The following TMC6 variants were observed in gnomAD, a reference collection of about 807,000 sequenced individuals.
The protein encoded by TMC6 is transmembrane channel like 6.
Under a neutral mutation model 95.4 loss-of-function variants are expected in TMC6, and 71 were observed. The observed-to-expected ratio is 0.74, with a 90% CI of 0.61 to 0.91. The LOEUF is 0.91. Ranked by LOEUF, TMC6 falls within the 40% of genes least tolerant of loss-of-function variation. The pLI is 0.00. For synonymous variants in TMC6, 514 were observed against 483.1 expected, an observed-to-expected ratio of 1.06 and a Z score of -0.84; for missense variants, 1,074 against 1,079.1, an observed-to-expected ratio of 1.00 and a Z score of 0.07.
At position 78,124,746 on chromosome 17, in the gene TMC6, G is replaced by A; in HGVS notation, c.669C>T (p.Ala223=). The A allele has an allele frequency of 8.2e-6, 13 of 1,586,254 alleles. No homozygotes were observed. Among genetic ancestry groups the A allele is most frequent in the Non-Finnish European group, 1.1e-5 (13 of 1,166,884 alleles). ...LHSLGLALLS[A]LQALMPWRYA... ...AGCGCCACGGCATCAGGGCCTGCAG[G>A]GCGGAGAGCAGCGCCAGGCCCAGGC... is the stretch of plus-strand genomic sequence containing the variant. The change falls in exon 8 of 20, where the codon GCC becomes GCT. Residue 223 remains alanine (A), a synonymous_variant. Coordinates refer to ENST00000590602, the MANE Select transcript of TMC6 (RefSeq NM_001127198.5).
rs1445091208 is a variant in TMC6, at chr17:78,107,638, T to A, written c.*5510A>T. ...TGTTTTGCTTTATTCTATCATTTGC[T>A]TTGTGGTTTTGCTGTAAATATTGAA... On this transcript the variant is annotated 3_prime_UTR_variant, in exon 20 of 20. Transcript: ENST00000590602. The A allele has an allele frequency of 1.3e-5, 2 of 152,262 alleles. No homozygotes were observed. Among genetic ancestry groups the A allele is most frequent in the Non-Finnish European group, 2.9e-5 (2 of 68,054 alleles). 9.4% of individuals were successfully genotyped at this position (152,262 alleles called of 1,614,324 possible).
At chr17:78,117,004 CG>C (rs1205276413) in intron 18 of TMC6, among the ~76,000 whole-genome samples, 2 of 152,236 alleles carry the variant, frequency 1.3e-5, no homozygotes, top group East Asian at 3.8e-4. Flanking sequence ...GGGCCACACC[CG>C]GGGGCTGAAA....
Position 78,126,085 on chromosome 17 carries a change from G to A in TMC6, c.271+192C>T, listed in dbSNP as rs553720031. On this transcript the variant is annotated intron_variant, in intron 4 of 19. Transcript: ENST00000590602. ...TCTGGAGTCATTTTTGGAGCCCAGC[G>A]AGGGCCACATGGGGCTGTGCTGGGC... 24 of 1,109,062 alleles carry A rather than the reference G, an allele frequency of 2.2e-5. 1 individual carries two copies. Among genetic ancestry groups the A allele is most frequent in the East Asian group, 1.0e-4 (4 of 38,608 alleles). 68.7% of individuals were successfully genotyped at this position (1,109,062 alleles called of 1,614,324 possible).
At chr17:78,132,008 G>A (rs1256537732), upstream of TMC6, 2 of 1,532,550 alleles carry the variant, frequency 1.3e-6, no homozygotes, top group Non-Finnish European at 1.7e-6. Context: ...GGCTCTGGGA[G>A]GGGGCGCTCT....
At position 78,108,314 on chromosome 17, in the gene TMC6, G is replaced by A. The variant is rs2144736564; in HGVS notation, c.*4834C>T. The A allele has an allele frequency of 6.5e-6, 1 of 154,676 alleles. No individual in the cohort carries two copies. Among genetic ancestry groups the A allele is most frequent in the African/African-American group, 2.4e-5 (1 of 41,636 alleles). The allele number at this position is 154,676 out of a possible 1,614,324, so 9.6% of individuals were successfully genotyped here. A position where few individuals can be genotyped will look rare whatever the true frequency, so the allele number is the denominator to read the frequency against. ...CTCTGACCATACTCTTTTGGAAATT[G>A]AGAAGGAAAGCATTGAGTGGGACCT... On this transcript the variant is annotated 3_prime_UTR_variant, in exon 20 of 20. Transcript: ENST00000590602.
At chr17:78,132,265 AC>A, upstream of TMC6, 3 of 1,490,164 alleles carry the variant, frequency 2.0e-6, no homozygotes, top group South Asian at 1.2e-5. Context: ...CCTGGCGGGC[AC>A]CCCACGCCGT....
chr17:78,111,056 C>G lies in TMC6; in HGVS notation c.*2092G>C, dbSNP rs933088235. The G allele has an allele frequency of 6.6e-6, 1 of 152,186 alleles. No homozygotes were observed. The highest frequency in any genetic ancestry group is 2.4e-5 in the African/African-American group (1 of 41,442). 9.4% of individuals were successfully genotyped at this position (152,186 alleles called of 1,614,324 possible). On this transcript the variant is annotated 3_prime_UTR_variant, in exon 20 of 20. Coordinates refer to ENST00000590602, the MANE Select transcript of TMC6 (RefSeq NM_001127198.5). ...GCAGAATTCCCTCTCTGGGACACCT[C>G]GGGTTTTGCTCTTAAAGCTTTCAGC...
At position 78,119,871 on chromosome 17, in the gene TMC6, C is replaced by T. The variant is rs958853126; in HGVS notation, c.1716-479G>A. ...CTCTGTTGCCGAGGCTGGTCTCAAACTCCTGGGCTTAAGTGATCCTCCCAC... is the reference window on the plus strand; with the variant it reads ...CTCTGTTGCCGAGGCTGGTCTCAAATTCCTGGGCTTAAGTGATCCTCCCAC... On this transcript the variant is annotated intron_variant, in intron 13 of 19. Transcript: ENST00000590602. The T allele has an allele frequency of 3.8e-4, 129 of 338,510 alleles. 1 individual carries two copies. Among genetic ancestry groups the T allele is most frequent in the African/African-American group, 2.6e-3 (121 of 45,784 alleles). The allele number at this position is 338,510 out of a possible 1,614,324, so 21.0% of individuals were successfully genotyped here. A position where few individuals can be genotyped will look rare whatever the true frequency, so the allele number is the denominator to read the frequency against.
intron 3 of TMC6, 77 bp from the exon 4 acceptor site, chr17:78,126,443 G>A: frequency 2.5e-6 from 4 of 1,607,656 alleles, no homozygotes; most frequent in Non-Finnish European, 3.4e-6. Flanking sequence ...TCCCAGGCCT[G>A]CAGAGCTGGG....
In TMC6 at chr17:78,125,013, T is replaced by G. The variant is rs777039067; in HGVS notation, c.537-28A>C. 7.0e-6 allele frequency: 11 copies of G among 1,562,062 alleles called. No homozygotes were observed. In the Admixed American group the frequency reaches 2.1e-4, roughly 29 times the overall value. On this transcript the variant is annotated intron_variant, in intron 6 of 19. Transcript: ENST00000590602. The stretch of plus-strand genomic sequence containing the variant: ...GGGGACAGAGGCAGCCATAGGTGCC[T>G]GGACCAATGAGGGGCCTGACTCTCT...
chr17:78,125,802 C>T lies in TMC6; in HGVS notation c.354G>A (p.Gly118=), dbSNP rs1327300843. Residue 118 remains glycine (G), a synonymous_variant, in exon 5 of 20, where the codon GGG becomes GGA. Transcript: ENST00000590602. The stretch of plus-strand genomic sequence containing the variant: ...TGGGCCAGGCGGAGCGGACAAAGTT[C>T]CCGAGCAGGGGCCGGCTGCTCCTGC... ...LRCRSSRPLL[G]NFVRSAWPSL... is the part of the protein sequence containing the mutation. 27 of 1,559,632 alleles carry T rather than the reference C, an allele frequency of 1.7e-5. No individual in the cohort carries two copies. Among genetic ancestry groups the T allele is most frequent in the Non-Finnish European group, 2.3e-5 (27 of 1,152,080 alleles).
intron 18 of TMC6, 23 bp from the exon 19 acceptor site, chr17:78,113,647 G>C: frequency 1.2e-6 from 2 of 1,612,146 alleles, no homozygotes; most frequent in Non-Finnish European, 1.7e-6. Flanking sequence ...GAACACAAAG[G>C]GGAGGAGAAA....
Position 78,113,572 on chromosome 17 carries a change from C to T in TMC6, c.2330G>A (p.Arg777Lys), listed in dbSNP as rs1281284677. ...LINKLHSIYE[R>K]KEREERSRVG... ...CCTGCTCCTCTCCTCCCTCTCCTTC[C>T]TCTCGTAGATGGAGTGAAGCTTGTT... is the stretch of plus-strand genomic sequence containing the variant. Residue 777 changes from arginine (R) to lysine (K), a missense_variant, in exon 19 of 20, where the codon AGG (arginine) becomes AAG (lysine). Physicochemically the swap from Arg to Lys is conservative, Grantham distance 26. Transcript: ENST00000590602. 6.2e-7 allele frequency: 1 copy of T among 1,614,030 alleles called. No homozygotes were observed. The highest frequency in any genetic ancestry group is 1.7e-5 in the Admixed American group (1 of 60,016).
intron 14 of TMC6, 59 bp from the exon 15 acceptor site, chr17:78,119,105 G>A: frequency 1.3e-6 from 2 of 1,536,304 alleles, no homozygotes; most frequent in Non-Finnish European, 1.8e-6. Context: ...CCGAGATCAG[G>A]CTGGTTCCAG....
At chr17:78,118,663 C>T (rs2074255634) in intron 15 of TMC6, among the ~76,000 whole-genome samples, 3 of 152,226 alleles carry the variant, frequency 2.0e-5, no homozygotes, top group African/African-American at 7.2e-5. Flanking sequence ...CATCACTTTT[C>T]CAGGGACCCA....
Position 78,117,606 on chromosome 17 carries a change from A to T in TMC6, c.2060T>A (p.Leu687Gln). ...CCTGCCGGCCTCGTACATGGTGTCC[A>T]GGGTCCGGAAGGGGCCGCAGGTGCT... ...PSSTCGPFRT[L>Q]DTMYEAGRVW... Residue 687 changes from leucine (L) to glutamine (Q), a missense_variant, in exon 17 of 20, where the codon CTG (leucine) becomes CAG (glutamine). Physicochemically the swap from Leu to Gln is moderately radical, Grantham distance 113. Coordinates refer to ENST00000590602, the MANE Select transcript of TMC6 (RefSeq NM_001127198.5). 6.3e-7 allele frequency: 1 copy of T among 1,579,588 alleles called. No homozygotes were observed. The highest frequency in any genetic ancestry group is 8.6e-7 in the Non-Finnish European group (1 of 1,164,002).
At chr17:78,131,706 C>G (rs374017520), upstream of TMC6, 166 of 1,582,764 alleles carry the variant, frequency 1.0e-4, no homozygotes, top group Middle Eastern at 1.7e-4. Context: ...GCGCGGGCTG[C>G]CCTATGCCAT....
chr17:78,116,368 G>A (rs559644425), intron 18 of TMC6, among the ~76,000 whole-genome samples: 10 of 151,288 alleles, frequency 6.6e-5, no homozygotes, highest in Admixed American at 5.3e-4. Context: ...CCTCAACCTG[G>A]GCTCAAGCAA....
At chr17:78,118,876 AG>A (rs2074264805) in intron 15 of TMC6, 94 bp downstream of exon 15, 1 of 1,360,918 alleles carries the variant, frequency 7.3e-7, no homozygotes, top group Non-Finnish European at 1.0e-6. Context: ...TCAGGTGGGG[AG>A]GGTTCTAGTG....
Sources: gnomAD v4.1 joint callset for allele counts (sites outside exome capture counted in the v4.1 genomes callset) on GRCh38, gnomAD v4.1.1 for gene constraint, MANE v1.5 for transcripts, NCBI Gene and HGNC (gene_info 2026-07-23, HGNC 2026-07-21) for gene names.